Variants in PRDM16 observed in about 807,000 individuals in gnomAD.
PRDM16 encodes histone-lysine N-methyltransferase PRDM16.
In PRDM16, 23 loss-of-function variants were observed where a neutral mutation model predicts 110.6. The observed-to-expected ratio is 0.21, with a 90% confidence interval of 0.15 to 0.29. The LOEUF is 0.29. Ranked by LOEUF, PRDM16 falls within the 10% of genes least tolerant of loss-of-function variation. The pLI is 1.00. For missense variants in PRDM16, 1,615 were observed against 1,794.3 expected (o/e 0.90, Z 1.81); for synonymous variants, 799 against 781.8 (o/e 1.02, Z -0.37).
intron 1 of PRDM16, among the ~76,000 whole-genome samples, chr1:3,099,197 G>A (rs752871680): frequency 3.9e-5 from 6 of 152,212 alleles, no homozygotes; most frequent in African/African-American, 7.2e-5. Flanking sequence ...AGGGCAGCTC[G>A]GTCAGCCCTT....
At chr1:3,116,587 C>A (rs1464340553) in intron 1 of PRDM16, among the ~76,000 whole-genome samples, 1 of 152,192 alleles carries the variant, frequency 6.6e-6, no homozygotes, top group Non-Finnish European at 1.5e-5. Flanking sequence ...TCCTCTCTCC[C>A]CGCCCGGGAC....
chr1:3,424,377 T>A (rs764992010), intron 12 of PRDM16, among the ~76,000 whole-genome samples: 26 of 152,256 alleles, frequency 1.7e-4, no homozygotes, highest in Non-Finnish European at 3.7e-4. Context: ...GGCCCCACAC[T>A]GAGGGGAACC....
At chr1:3,274,643 G>A (rs575215565) in intron 3 of PRDM16, among the ~76,000 whole-genome samples, 8 of 152,326 alleles carry the variant, frequency 5.3e-5, no homozygotes, top group East Asian at 1.9e-4. Flanking sequence ...GCTCTGTCAC[G>A]TCGGCTCCTG....
intron 2 of PRDM16, among the ~76,000 whole-genome samples, chr1:3,198,424 C>T (rs1323336702): frequency 6.6e-6 from 1 of 152,248 alleles, no homozygotes; most frequent in African/African-American, 2.4e-5. Context: ...AGTGACTATT[C>T]TCACTCAGCT....
At chr1:3,352,704 A>G (rs1642518580) in intron 3 of PRDM16, among the ~76,000 whole-genome samples, 1 of 152,198 alleles carries the variant, frequency 6.6e-6, no homozygotes, top group Non-Finnish European at 1.5e-5. Context: ...GGCCCTAAAT[A>G]CACCCACCCA....
chr1:3,125,422 G>A (rs1334564383), intron 1 of PRDM16, among the ~76,000 whole-genome samples: 1 of 152,242 alleles, frequency 6.6e-6, no homozygotes, highest in East Asian at 1.9e-4. Flanking sequence ...CCCCAGAGTA[G>A]CCACTGTCAT....
chr1:3,197,069 C>T (rs777100393), intron 2 of PRDM16, among the ~76,000 whole-genome samples: 7 of 152,162 alleles, frequency 4.6e-5, no homozygotes, highest in East Asian at 1.9e-4. Context: ...CGAGGCGGCC[C>T]GAGGCTGACC....
rs1233356318 is a variant in PRDM16 at position 3,317,471 on chromosome 1, G to A, written c.439-67681G>A. On this transcript the variant is annotated intron_variant, in intron 3 of 16. Transcript: ENST00000270722. ...GCGTGCCGTCAGGGTCCTGGTGTCC[G>A]GCATGAGGCCGTCGGAAGTCTCCAG... Among the ~76,000 whole-genome samples the A allele has an allele frequency of 2.6e-5, 4 of 152,222 alleles. No homozygotes were observed. The East Asian group carries it at 5.8e-4, about 22-fold the overall frequency.
intron 2 of PRDM16, among the ~76,000 whole-genome samples, chr1:3,211,191 C>T (rs983410019): frequency 4.6e-5 from 7 of 152,224 alleles, no homozygotes; most frequent in Non-Finnish European, 8.8e-5. Flanking sequence ...TGGACACTTG[C>T]TTGCCCACCC....
At chr1:3,332,245 G>C (rs1642055953) in intron 3 of PRDM16, among the ~76,000 whole-genome samples, 1 of 152,278 alleles carries the variant, frequency 6.6e-6, no homozygotes, top group Admixed American at 6.5e-5. Flanking sequence ...CACGCGCTGT[G>C]TACTCGCTTC....
chr1:3,394,941 T>G (rs540620365), intron 4 of PRDM16, among the ~76,000 whole-genome samples: 2 of 152,198 alleles, frequency 1.3e-5, no homozygotes, highest in African/African-American at 4.8e-5. Context: ...TCCTCTCCAC[T>G]TTTACATCTC....
At chr1:3,113,721 C>T (rs1251311150) in intron 1 of PRDM16, among the ~76,000 whole-genome samples, 1 of 152,236 alleles carries the variant, frequency 6.6e-6, no homozygotes, top group Admixed American at 6.5e-5. Flanking sequence ...AACACATCCC[C>T]AGACATGGCC....
rs1343192968 is a variant in PRDM16, at chr1:3,243,877, C to G, written c.388-210C>G. Among the ~76,000 whole-genome samples, 1 of 151,974 alleles carries G rather than the reference C, an allele frequency of 6.6e-6. No individual in the cohort carries two copies. Among genetic ancestry groups the G allele is most frequent in the Non-Finnish European group, 1.5e-5 (1 of 67,962 alleles). On this transcript the variant is annotated intron_variant, in intron 2 of 16. Coordinates refer to ENST00000270722, the MANE Select transcript of PRDM16 (RefSeq NM_022114.4). This position sits in a 1 kb window ranked among gnomAD's most constrained non-coding sequence, Gnocchi z 5.5. ...CCAGGGAGGTGAAGTCCCTGGGGGG[C>G]GCTTGGAGTCCTCGGTGACTGGGGG...
Position 3,245,358 on chromosome 1 carries a change from G to A in PRDM16, c.438+1221G>A, listed in dbSNP as rs1430974532. On this transcript the variant is annotated intron_variant, in intron 3 of 16. Transcript: ENST00000270722. The surrounding 1 kb of genome is among the most constrained non-coding windows in gnomAD (Gnocchi z 4.7). The stretch of plus-strand genomic sequence containing the variant: ...GCAGAGCTGCCTACGAGGGACAGGG[G>A]ACCCACCATCTGGGCAGAGCTATCC... Among the ~76,000 whole-genome samples the A allele has an allele frequency of 6.6e-6, 1 of 152,190 alleles. No homozygotes were observed. The highest frequency in any genetic ancestry group is 1.5e-5 in the Non-Finnish European group (1 of 68,024).
chr1:3,247,549 G>T (rs142101160), intron 3 of PRDM16, among the ~76,000 whole-genome samples: 54 of 152,348 alleles, frequency 3.5e-4, no homozygotes, highest in African/African-American at 1.3e-3. Context: ...ACCGCCAGGC[G>T]CAGGGGACGG....
Position 3,244,113 on chromosome 1 carries a change from G to C in PRDM16, c.414G>C (p.Ser138=). 6.2e-7 allele frequency: 1 copy of C among 1,613,906 alleles called. No individual in the cohort carries two copies. The change falls in exon 3 of 17, where the codon TCG becomes TCC. Residue 138 remains serine (S), a synonymous_variant. Transcript: ENST00000270722. The surrounding 1 kb of genome is among the most constrained non-coding windows in gnomAD (Gnocchi z 4.1). ...WEQILTDVEV[S]PQEGCITKIS... ...AAATACTGACGGACGTGGAAGTGTC[G>C]CCCCAGGAAGGCTGCATCACAAAGG...
chr1:3,364,479 C>A (rs917822327), intron 3 of PRDM16, among the ~76,000 whole-genome samples: 9 of 152,200 alleles, frequency 5.9e-5, no homozygotes, highest in Middle Eastern at 3.2e-3. Flanking sequence ...TCTGGACAAG[C>A]CCCCGGAGGA....
At chr1:3,092,659 C>G (rs1349007596) in intron 1 of PRDM16, among the ~76,000 whole-genome samples, 1 of 152,296 alleles carries the variant, frequency 6.6e-6, no homozygotes, top group East Asian at 1.9e-4. Flanking sequence ...TGCACAACTT[C>G]GTGCTGGATG....
chr1:3,184,005 C>CA (rs1205984141), intron 1 of PRDM16, among the ~76,000 whole-genome samples: 1 of 152,146 alleles, frequency 6.6e-6, no homozygotes, highest in African/African-American at 2.4e-5. Context: ...CCACCCCCCC[C>CA]AATGTACCTT....
Sources: allele counts gnomAD v4.1 joint callset (sites outside exome capture counted in the v4.1 genomes callset), GRCh38; gene constraint gnomAD v4.1.1; non-coding constraint Gnocchi (gnomAD v3.1); transcripts MANE v1.5; gene names NCBI Gene and HGNC (gene_info 2026-07-23, HGNC 2026-07-21).